Variants in PKD2 observed in about 807,000 individuals in gnomAD.
The protein encoded by PKD2 is polycystin 2, transient receptor potential cation channel.
A neutral mutation model predicts 105.9 loss-of-function variants in PKD2; 48 were observed. That is an observed-to-expected ratio of 0.45 (90% CI 0.36 to 0.58). The LOEUF (loss-of-function observed/expected upper bound fraction) is 0.58. Ranked by LOEUF, PKD2 falls within the 20% of genes least tolerant of loss-of-function variation. The probability of loss-of-function intolerance (pLI) is 0.00; values close to 1 mark genes in which losing one functional copy is unlikely to be tolerated. For synonymous variants in PKD2, 464 were observed against 481.1 expected, an observed-to-expected ratio of 0.96 and a Z score of 0.46; for missense variants, 1,078 against 1,255.3, an observed-to-expected ratio of 0.86 and a Z score of 2.13.
intron 5 of PKD2, 78 bp downstream of exon 5, chr4:88,043,535 C>T: frequency 9.4e-7 from 1 of 1,062,848 alleles, no homozygotes; most frequent in Admixed American, 1.9e-5. Flanking sequence ...GCCAGAAAAA[C>T]CTTTGCCTGC....
intron 7 of PKD2, among the ~76,000 whole-genome samples, chr4:88,054,602 C>T (rs572877429): frequency 2.0e-5 from 3 of 151,426 alleles, no homozygotes; most frequent in South Asian, 4.2e-4. Flanking sequence ...ATGTCTTGCC[C>T]CTCGATACTT....
At position 88,075,787 on chromosome 4, in the gene PKD2, C is replaced by T. The variant is rs1721211229; in HGVS notation, c.*93C>T. On this transcript the variant is annotated 3_prime_UTR_variant, in exon 15 of 15. Transcript: ENST00000237596. Reference sequence around the variant, plus strand: ...CACACTATTTATATGCCCTGACCACCATAGGATGCTAGTCTTTGTGACCGA... The same window carrying T: ...CACACTATTTATATGCCCTGACCACTATAGGATGCTAGTCTTTGTGACCGA... The T allele has an allele frequency of 1.2e-6, 1 of 852,122 alleles. No individual in the cohort carries two copies. Among genetic ancestry groups the T allele is most frequent in the Non-Finnish European group, 2.0e-6 (1 of 497,754 alleles). The allele number at this position is 852,122 out of a possible 1,614,324, so 52.8% of individuals were successfully genotyped here.
intron 7 of PKD2, among the ~76,000 whole-genome samples, chr4:88,052,904 T>A (rs1720163538): frequency 6.6e-6 from 1 of 152,168 alleles, no homozygotes; most frequent in African/African-American, 2.4e-5. Flanking sequence ...AGAATTAAGG[T>A]TGGAACAGAC....
rs1391180435 is a variant in PKD2 at position 88,075,524 on chromosome 4, T to C, written c.2737T>C (p.Leu913=). 6.2e-7 allele frequency: 1 copy of C among 1,613,930 alleles called. No homozygotes were observed. The highest frequency in any genetic ancestry group is 8.5e-7 in the Non-Finnish European group (1 of 1,179,974). The change falls in exon 15 of 15, where the codon TTG becomes CTG. Residue 913 remains leucine (L), a synonymous_variant. Coordinates refer to ENST00000237596, the MANE Select transcript of PKD2 (RefSeq NM_000297.4). ...GATGGAACGGCTAGTACGTGAAGAG[T>C]TGGAACGCTGGGAATCCGATGATGC... ...EQMERLVREE[L]ERWESDDAAS...
chr4:88,042,611 T>G (rs1727608415), intron 4 of PKD2, among the ~76,000 whole-genome samples: 2 of 152,200 alleles, frequency 1.3e-5, no homozygotes, highest in African/African-American at 4.8e-5. Context: ...TAAGGACAGC[T>G]TTCCTCTGAT....
intron 2 of PKD2, among the ~76,000 whole-genome samples, chr4:88,031,587 C>A (rs1727154793): frequency 1.3e-5 from 2 of 152,020 alleles, no homozygotes; most frequent in South Asian, 4.1e-4. Context: ...GCTCTGATTT[C>A]TTCTTTGGCC....
intron 1 of PKD2, among the ~76,000 whole-genome samples, chr4:88,010,299 A>T (rs1726341867): frequency 2.0e-5 from 3 of 152,170 alleles, no homozygotes; most frequent in African/African-American, 7.2e-5. Flanking sequence ...ATAAATTGTT[A>T]TTCCTTTCTT....
chr4:88,058,582 A>T (rs1720448872), intron 9 of PKD2, among the ~76,000 whole-genome samples: 1 of 152,182 alleles, frequency 6.6e-6, no homozygotes, highest in African/African-American at 2.4e-5. Flanking sequence ...AAAGCAAGCT[A>T]GATCTAAGAT....
chr4:88,044,718 A>G (rs1423158237), intron 5 of PKD2, among the ~76,000 whole-genome samples: 1 of 152,188 alleles, frequency 6.6e-6, no homozygotes, highest in Non-Finnish European at 1.5e-5. Flanking sequence ...GGGATGTTGA[A>G]TCAACTGTTG....
At chr4:88,053,126 A>T (rs1421378561) in intron 7 of PKD2, among the ~76,000 whole-genome samples, 1 of 152,166 alleles carries the variant, frequency 6.6e-6, no homozygotes, top group African/African-American at 2.4e-5. Context: ...TACTAGCCAC[A>T]TGTGCCTATT....
chr4:88,010,063 A>AT (rs1262365597), intron 1 of PKD2, among the ~76,000 whole-genome samples: 1 of 151,940 alleles, frequency 6.6e-6, no homozygotes, highest in African/African-American at 2.4e-5. Flanking sequence ...CAATGGTCTG[A>AT]TTTGTAGGAG....
chr4:88,052,353 C>T (rs537042222), intron 7 of PKD2, among the ~76,000 whole-genome samples, 195 bp downstream of exon 7: 1 of 152,246 alleles, frequency 6.6e-6, no homozygotes, highest in South Asian at 2.1e-4. Context: ...ATTGCAGCCT[C>T]GACTTCCCAG....
intron 2 of PKD2, among the ~76,000 whole-genome samples, chr4:88,034,862 C>G (rs187264292): frequency 6.6e-6 from 1 of 152,214 alleles, no homozygotes; most frequent in Admixed American, 6.5e-5. Flanking sequence ...ATGTTTCCTT[C>G]CCCTTGAAAC....
chr4:88,031,428 G>C (rs1037148986), intron 2 of PKD2, among the ~76,000 whole-genome samples: 3 of 152,096 alleles, frequency 2.0e-5, no homozygotes, highest in Non-Finnish European at 4.4e-5. Flanking sequence ...TCCCTGTGAG[G>C]ATACCATAAG....
At chr4:88,066,791 A>T (rs1161712727) in intron 12 of PKD2, among the ~76,000 whole-genome samples, 2 of 152,242 alleles carry the variant, frequency 1.3e-5, no homozygotes, top group African/African-American at 2.4e-5. Flanking sequence ...TTTCAAAAAT[A>T]AATGGTTAGA....
chr4:88,020,464 TG>T (rs1241237397), intron 2 of PKD2, among the ~76,000 whole-genome samples: 2 of 151,954 alleles, frequency 1.3e-5, no homozygotes, highest in Non-Finnish European at 1.5e-5. Context: ...TCCCATCCTC[TG>T]GTAGGGGGAG....
At chr4:88,013,434 G>C (rs1337412448) in intron 1 of PKD2, among the ~76,000 whole-genome samples, 1 of 152,210 alleles carries the variant, frequency 6.6e-6, no homozygotes, top group Non-Finnish European at 1.5e-5. Context: ...GATAAGGCCA[G>C]GCACAGCCGC....
Position 88,075,710 on chromosome 4 carries a change from A to T in PKD2, c.*16A>T, listed in dbSNP as rs1381362798. 1 of 1,568,026 alleles carries T rather than the reference A, an allele frequency of 6.4e-7. No homozygotes were observed. Among genetic ancestry groups the T allele is most frequent in the Non-Finnish European group, 8.8e-7 (1 of 1,139,510 alleles). Reference sequence around the variant, plus strand: ...CCACGTATGATATGTGTGTTTCAGTATGTGTGTTTCTAATAAGTGAGGAAG... The same window carrying T: ...CCACGTATGATATGTGTGTTTCAGTTTGTGTGTTTCTAATAAGTGAGGAAG... On this transcript the variant is annotated 3_prime_UTR_variant, in exon 15 of 15. Coordinates refer to ENST00000237596, the MANE Select transcript of PKD2 (RefSeq NM_000297.4).
Position 88,036,297 on chromosome 4 carries a change from T to A in PKD2, c.787T>A (p.Ser263Thr), listed in dbSNP as rs1161644101. The A allele has an allele frequency of 6.2e-7, 1 of 1,614,040 alleles. No individual in the cohort carries two copies. Among genetic ancestry groups the A allele is most frequent in the Admixed American group, 1.7e-5 (1 of 60,020 alleles). The stretch of plus-strand genomic sequence containing the variant: ...ACAGCTCTTCCTAGACACCCCCGTG[T>A]CCAAAACGGAGAAAACTAACTTTAA... ...MSQLFLDTPV[S>T]KTEKTNFKTL... The change falls in exon 3 of 15, where the codon TCC becomes ACC. Residue 263 changes from serine to threonine, a missense_variant. Around this residue, in one of 2 missense-constraint regions of PKD2, gnomAD observed 868 missense variants for 1,067.3 expected, o/e 0.81. Coordinates refer to ENST00000237596, the MANE Select transcript of PKD2 (RefSeq NM_000297.4).
Sources: allele counts gnomAD v4.1 joint callset (sites outside exome capture counted in the v4.1 genomes callset), GRCh38; gene constraint gnomAD v4.1.1; regional missense constraint gnomAD v4.1.1; transcripts MANE v1.5; gene names NCBI Gene and HGNC (gene_info 2026-07-23, HGNC 2026-07-21).